Variants in NRG1 observed in about 807,000 individuals in gnomAD.
NRG1 encodes pro-neuregulin-1, membrane-bound isoform.
A neutral mutation model predicts 63.8 loss-of-function variants in NRG1; 18 were observed. The observed-to-expected ratio is 0.28, with a 90% CI of 0.19 to 0.42. The LOEUF is 0.42. Among genes scored for constraint, NRG1 ranks in the 10% least tolerant of loss-of-function variants. The pLI is 1.00. For missense variants in NRG1, 762 were observed against 814.7 expected, an observed-to-expected ratio of 0.94 and a Z score of 0.79; for synonymous variants, 302 against 301.3, an observed-to-expected ratio of 1.00 and a Z score of -0.02.
At chr8:31,895,973 C>T (rs1458933578) in intron 1 of NRG1, among the ~76,000 whole-genome samples, 1 of 152,122 alleles carries the variant, frequency 6.6e-6, no homozygotes, top group African/African-American at 2.4e-5. Flanking sequence ...TTAAAGTTCA[C>T]AGTGACTTTG....
intron 1 of NRG1, among the ~76,000 whole-genome samples, chr8:31,923,110 T>C (rs1834046105): frequency 6.6e-6 from 1 of 152,184 alleles, no homozygotes; most frequent in African/African-American, 2.4e-5. Flanking sequence ...CACCGTTAAG[T>C]ATGATGTTTT....
At chr8:32,373,974 T>A (rs1202369588) in intron 1 of NRG1, among the ~76,000 whole-genome samples, 1 of 152,182 alleles carries the variant, frequency 6.6e-6, no homozygotes, top group Non-Finnish European at 1.5e-5. Flanking sequence ...TTTGATATTA[T>A]GAGATTATGG....
chr8:32,216,375 A>G (rs1016881016), intron 1 of NRG1, among the ~76,000 whole-genome samples: 3 of 149,082 alleles, frequency 2.0e-5, no homozygotes, highest in Admixed American at 6.7e-5. Context: ...TTAAATTCCT[A>G]GAAGCACTAT....
intron 7 of NRG1, among the ~76,000 whole-genome samples, chr8:32,773,900 C>A (rs995774278): frequency 4.6e-5 from 7 of 152,172 alleles, no homozygotes; most frequent in African/African-American, 1.7e-4. Context: ...CCCCAATACA[C>A]CACACCAGTG....
At chr8:32,411,166 G>T (rs1205646284) in intron 1 of NRG1, among the ~76,000 whole-genome samples, 1 of 152,058 alleles carries the variant, frequency 6.6e-6, no homozygotes, top group African/African-American at 2.4e-5. Context: ...GAGCCACCAC[G>T]CCCAGCCAGC....
At chr8:32,242,503 A>G (rs1848206190) in intron 1 of NRG1, among the ~76,000 whole-genome samples, 1 of 152,170 alleles carries the variant, frequency 6.6e-6, no homozygotes, top group Non-Finnish European at 1.5e-5. Flanking sequence ...AAAAATAAGA[A>G]CACGTCTAAA....
At chr8:31,982,827 G>A (rs1287085296) in intron 1 of NRG1, among the ~76,000 whole-genome samples, 1 of 152,002 alleles carries the variant, frequency 6.6e-6, no homozygotes, top group Non-Finnish European at 1.5e-5. Flanking sequence ...AGAGGCTATT[G>A]GGCATAGGCA....
intron 1 of NRG1, among the ~76,000 whole-genome samples, chr8:31,992,121 G>C (rs1421831891): frequency 6.6e-5 from 10 of 151,672 alleles, no homozygotes; most frequent in Admixed American, 6.6e-4. Flanking sequence ...GATTGCTTGA[G>C]GCCAGGAGTT....
At chr8:32,000,756 T>C (rs1044853817) in intron 1 of NRG1, among the ~76,000 whole-genome samples, 8 of 152,054 alleles carry the variant, frequency 5.3e-5, no homozygotes, top group African/African-American at 1.9e-4. Context: ...TTTTTCAAAA[T>C]ATATTAGGTT....
intron 5 of NRG1, among the ~76,000 whole-genome samples, chr8:32,714,357 G>A (rs1818633525): frequency 6.6e-6 from 1 of 152,062 alleles, no homozygotes. Context: ...AGAATAAAAT[G>A]GTATTTTTTA....
intron 5 of NRG1, among the ~76,000 whole-genome samples, chr8:32,702,135 A>G (rs1815057954): frequency 6.6e-6 from 1 of 152,218 alleles, no homozygotes; most frequent in African/African-American, 2.4e-5. Flanking sequence ...CGAGTCATTT[A>G]TAACAACAAA....
intron 1 of NRG1, among the ~76,000 whole-genome samples, chr8:32,220,095 C>G (rs549854491): frequency 6.6e-6 from 1 of 152,084 alleles, no homozygotes; most frequent in African/African-American, 2.4e-5. Flanking sequence ...CGGGGGTGCT[C>G]TTAAATGCAT....
chr8:32,179,891 CTT>C (rs540991985), intron 1 of NRG1, among the ~76,000 whole-genome samples: 20 of 151,136 alleles, frequency 1.3e-4, no homozygotes, highest in African/African-American at 4.4e-4. Flanking sequence ...ATTTTTAAAT[CTT>C]TTTTTTTCAA....
chr8:32,651,878 A>G (rs1855203747), intron 5 of NRG1, among the ~76,000 whole-genome samples: 1 of 152,082 alleles, frequency 6.6e-6, no homozygotes, highest in Non-Finnish European at 1.5e-5. Flanking sequence ...ACTTCTCCCC[A>G]CTTTAATCAT....
At chr8:32,522,912 C>G (rs765404204) in intron 1 of NRG1, among the ~76,000 whole-genome samples, 8 of 151,436 alleles carry the variant, frequency 5.3e-5, no homozygotes, top group South Asian at 2.1e-4. Flanking sequence ...CTCAGGTGAT[C>G]CTCCCACCTA....
intron 1 of NRG1, among the ~76,000 whole-genome samples, chr8:31,974,769 T>G (rs1229948019): frequency 6.6e-6 from 1 of 152,212 alleles, no homozygotes; most frequent in Admixed American, 6.5e-5. Context: ...AAATGTTCCT[T>G]AAAGCCAGCT....
intron 1 of NRG1, among the ~76,000 whole-genome samples, chr8:32,375,334 T>C (rs1187807057): frequency 6.6e-6 from 1 of 152,088 alleles, no homozygotes; most frequent in Non-Finnish European, 1.5e-5. Context: ...AGAAATAAGT[T>C]TAAGAGATAA....
intron 1 of NRG1, among the ~76,000 whole-genome samples, chr8:31,934,834 T>C (rs145533490): frequency 0.02 from 3,099 of 152,302 alleles, 65 homozygotes; most frequent in African/African-American, 0.052. Context: ...TCATTATTAA[T>C]TTTGTTCACT....
At chr8:32,320,876 C>T (rs1488555455) in intron 1 of NRG1, among the ~76,000 whole-genome samples, 3 of 152,098 alleles carry the variant, frequency 2.0e-5, no homozygotes, top group African/African-American at 7.2e-5. Context: ...CTGATACTAG[C>T]GATCAACAGC....
Sources: gnomAD v4.1 joint callset for allele counts (sites outside exome capture counted in the v4.1 genomes callset) on GRCh38, gnomAD v4.1.1 for gene constraint, MANE v1.5 for transcripts, NCBI Gene and HGNC (gene_info 2026-07-23, HGNC 2026-07-21) for gene names.